TRIO: variants seen among roughly 807,000 people sequenced by gnomAD.
The protein encoded by TRIO is trio Rho guanine nucleotide exchange factor, also known as triple functional domain protein.
Under a neutral mutation model 351.9 loss-of-function variants are expected in TRIO, and 58 were observed. The observed-to-expected ratio is 0.16, with a 90% CI of 0.13 to 0.21. The LOEUF (loss-of-function observed/expected upper bound fraction) is 0.21. Among genes scored for constraint, TRIO ranks in the 10% least tolerant of loss-of-function variants. TRIO has a pLI of 1.00. For synonymous variants in TRIO, 1,758 were observed against 1,595.7 expected, an observed-to-expected ratio of 1.10 and a Z score of -2.42; for missense variants, 3,201 against 4,027.8, an observed-to-expected ratio of 0.79 and a Z score of 5.56.
chr5:14,313,269 G>A (rs1415440733), intron 8 of TRIO, among the ~76,000 whole-genome samples: 5 of 152,192 alleles, frequency 3.3e-5, no homozygotes, highest in Non-Finnish European at 7.3e-5. Flanking sequence ...GTTGTTTTAT[G>A]TTAAGGTATT....
chr5:14,379,982 T>C (rs1340993915), intron 20 of TRIO, among the ~76,000 whole-genome samples: 1 of 151,996 alleles, frequency 6.6e-6, no homozygotes, highest in Non-Finnish European at 1.5e-5. Context: ...GCCTCACTGC[T>C]CTCCTTCCTA....
intron 11 of TRIO, among the ~76,000 whole-genome samples, chr5:14,337,888 C>T (rs2152320263): frequency 6.6e-6 from 1 of 152,302 alleles, no homozygotes; most frequent in East Asian, 1.9e-4. Flanking sequence ...AGCTGGCTCT[C>T]TCGATCCTTT....
chr5:14,415,168 T>C (rs1749537304), intron 33 of TRIO, among the ~76,000 whole-genome samples: 1 of 152,194 alleles, frequency 6.6e-6, no homozygotes, highest in Non-Finnish European at 1.5e-5. Flanking sequence ...AAAATGGCTT[T>C]TATTAGGCCA....
At chr5:14,290,067 A>G (rs562276619) in intron 4 of TRIO, among the ~76,000 whole-genome samples, 5 of 152,288 alleles carry the variant, frequency 3.3e-5, no homozygotes, top group East Asian at 1.9e-4. Flanking sequence ...AATATTTTCT[A>G]AATTTTTATA....
intron 1 of TRIO, among the ~76,000 whole-genome samples, chr5:14,224,776 A>G (rs1469569336): frequency 6.6e-6 from 1 of 152,248 alleles, no homozygotes. Context: ...AATTATAGAC[A>G]TGAGAGAATA....
At chr5:14,498,783 T>C in intron 53 of TRIO, 143 bp downstream of exon 53, 5 of 1,304,252 alleles carry the variant, frequency 3.8e-6, no homozygotes, top group Non-Finnish European at 5.3e-6. Context: ...AAAAGACAGT[T>C]GTAAGTAGCA....
At position 14,482,641 on chromosome 5, in the gene TRIO, A is replaced by G. The variant is rs1755612148; in HGVS notation, c.6525A>G (p.Gln2175=). 6.2e-7 allele frequency: 1 copy of G among 1,601,822 alleles called. No homozygotes were observed. Among genetic ancestry groups the G allele is most frequent in the South Asian group, 1.1e-5 (1 of 89,800 alleles). ...AGGACACATTCTTGGTCACAGACCA[A>G]GATGCAGGACTTCTGCCTCGCTGCA... ...LLQDTFLVTD[Q]DAGLLPRCRE... Residue 2175 remains glutamine, a synonymous_variant, in exon 46 of 57, where the codon CAA becomes CAG. Coordinates refer to ENST00000344204, the MANE Select transcript of TRIO (RefSeq NM_007118.4).
intron 1 of TRIO, 132 bp downstream of exon 1, chr5:14,144,014 C>T: frequency 3.2e-6 from 2 of 633,594 alleles, no homozygotes; most frequent in African/African-American, 2.0e-5. Flanking sequence ...CGCAGGCTCT[C>T]GCCTGGGACC....
rs1003151002 is a variant in TRIO, at chr5:14,378,674, C to G, written c.3447+547C>G. Among the ~76,000 whole-genome samples the G allele has an allele frequency of 5.3e-5, 8 of 152,162 alleles. 1 individual carries two copies. In the South Asian group the frequency reaches 6.2e-4, roughly 12 times the overall value. On this transcript the variant is annotated intron_variant, in intron 20 of 56. Transcript: ENST00000344204. ...TCCCAGGTTCAAGTGATTCTCCTGC[C>G]TCAGCCTCCCAAGTAGCTGTGATTA...
intron 1 of TRIO, among the ~76,000 whole-genome samples, chr5:14,267,189 A>G (rs1795733506): frequency 6.6e-6 from 1 of 152,158 alleles, no homozygotes; most frequent in African/African-American, 2.4e-5. Context: ...TTCTTTGTCT[A>G]GGCTTTCTGT....
At chr5:14,203,242 T>C (rs1010919127) in intron 1 of TRIO, among the ~76,000 whole-genome samples, 2 of 150,266 alleles carry the variant, frequency 1.3e-5, no homozygotes, top group Admixed American at 1.3e-4. Context: ...TAATAGGCAA[T>C]TTGAAGAGAG....
intron 8 of TRIO, among the ~76,000 whole-genome samples, chr5:14,311,254 G>A (rs1163928566): frequency 1.3e-5 from 2 of 152,204 alleles, no homozygotes; most frequent in African/African-American, 4.8e-5. Context: ...GACGTTTCCT[G>A]TTTTGGTCTT....
Position 14,462,908 on chromosome 5 carries a change from G to T in TRIO, c.5650G>T (p.Asp1884Tyr). The change falls in exon 36 of 57, where the codon GAC (aspartate) becomes TAC (tyrosine). Residue 1884 changes from aspartate (D) to tyrosine (Y), a missense_variant. Physicochemically the swap from Asp to Tyr is radical, Grantham distance 160 (BLOSUM62 -3). Around this residue, in one of 19 missense-constraint regions of TRIO, gnomAD observed 307 missense variants for 396.5 expected, o/e 0.77. Transcript: ENST00000344204. ...AIQQHSLLQP[D>Y]SQDDKASSRL... Reference sequence around the variant, plus strand: ...CCAGCAGCACAGCCTCCTCCAGCCAGACTCACAGGATGACAAGGTAAAGGG... The same window carrying T: ...CCAGCAGCACAGCCTCCTCCAGCCATACTCACAGGATGACAAGGTAAAGGG... 6.3e-7 allele frequency: 1 copy of T among 1,599,842 alleles called. No individual in the cohort carries two copies. Among genetic ancestry groups the T allele is most frequent in the East Asian group, 2.2e-5 (1 of 44,732 alleles).
chr5:14,237,962 T>C (rs922441748), intron 1 of TRIO, among the ~76,000 whole-genome samples: 4 of 152,232 alleles, frequency 2.6e-5, no homozygotes, highest in African/African-American at 9.6e-5. Context: ...CAAATTTACC[T>C]TAAGAATGTT....
chr5:14,495,532 C>T (rs536722500), intron 49 of TRIO, among the ~76,000 whole-genome samples: 1 of 151,680 alleles, frequency 6.6e-6, no homozygotes, highest in South Asian at 2.1e-4. Flanking sequence ...AAGAAATTGC[C>T]CCAGCCAGGC....
intron 21 of TRIO, among the ~76,000 whole-genome samples, chr5:14,382,556 G>C (rs1467703775): frequency 6.6e-6 from 1 of 152,184 alleles, no homozygotes; most frequent in Non-Finnish European, 1.5e-5. Flanking sequence ...CAGGGCGCAG[G>C]ACCAGGGGAC....
At chr5:14,236,039 A>G (rs1581414687) in intron 1 of TRIO, among the ~76,000 whole-genome samples, 1 of 120,466 alleles carries the variant, frequency 8.3e-6, no homozygotes, top group African/African-American at 3.3e-5. Context: ...TAGTTGGTTA[A>G]ATAGATCACC....
At chr5:14,475,478 G>A (rs62345058) in intron 40 of TRIO, among the ~76,000 whole-genome samples, 8 of 152,342 alleles carry the variant, frequency 5.3e-5, no homozygotes, top group East Asian at 1.9e-4. Context: ...AGGAACTACC[G>A]TGTCACGTAT....
In TRIO at chr5:14,261,688, C is replaced by T. The variant is rs116045392; in HGVS notation, c.158-9137C>T. ...TAGACACCACTTCCCTGAAGGCTTG[C>T]GTTTCCTTTGGTTGTGGAGGTGCTG... On this transcript the variant is annotated intron_variant, in intron 1 of 56. Transcript: ENST00000344204. Among the ~76,000 whole-genome samples the T allele has an allele frequency of 5.2e-3, 793 of 152,308 alleles. 10 individuals are homozygous for T. Among genetic ancestry groups the T allele is most frequent in the African/African-American group, 0.018 (762 of 41,570 alleles).
Sources: gnomAD v4.1 joint callset for allele counts (sites outside exome capture counted in the v4.1 genomes callset) on GRCh38, gnomAD v4.1.1 for gene constraint, gnomAD v4.1.1 regional missense constraint, MANE v1.5 for transcripts, NCBI Gene and HGNC (gene_info 2026-07-23, HGNC 2026-07-21) for gene names.